The following LRIG1 variants were observed in gnomAD, a reference collection of about 807,000 sequenced individuals.
LRIG1 encodes the protein leucine-rich repeats and immunoglobulin-like domains protein 1.
LRIG1 carries 48 observed loss-of-function variants against 99.2 expected under a neutral mutation model. The observed-to-expected ratio is 0.48, with a 90% confidence interval of 0.38 to 0.62. The LOEUF (loss-of-function observed/expected upper bound fraction) is 0.62. LRIG1 is among the 20% of genes least tolerant of loss of function. The pLI is 0.00. For synonymous variants in LRIG1, 772 were observed against 596.1 expected, an observed-to-expected ratio of 1.29 and a Z score of -4.30; for missense variants, 1,646 against 1,434.4, an observed-to-expected ratio of 1.15 and a Z score of -2.38.
chr3:66,479,312 C>T (rs1348459795), intron 1 of LRIG1, among the ~76,000 whole-genome samples: 1 of 152,228 alleles, frequency 6.6e-6, no homozygotes, highest in Non-Finnish European at 1.5e-5. Context: ...CTCCCATTCT[C>T]CTAGGGACAC....
At position 66,383,334 on chromosome 3, in the gene LRIG1, T is replaced by C. The variant is rs1175974936; in HGVS notation, c.2139A>G (p.Gln713=). 2 of 1,597,984 alleles carry C rather than the reference T, an allele frequency of 1.3e-6. No homozygotes were observed. The highest frequency in any genetic ancestry group is 1.3e-5 in the African/African-American group (1 of 74,710). Residue 713 remains glutamine, a synonymous_variant, in exon 15 of 19, where the codon CAA becomes CAG. Coordinates refer to ENST00000273261, the MANE Select transcript of LRIG1 (RefSeq NM_015541.3). ...GCGGAGGGTTCCCCGTGGCTTTGCA[T>C]TGGAGGGCCACTGTTTCTCCCACAG... ...VVSVGETVAL[Q]CKATGNPPPR...
intron 9 of LRIG1, among the ~76,000 whole-genome samples, chr3:66,402,915 G>T (rs1235492098): frequency 6.6e-6 from 1 of 152,130 alleles, no homozygotes; most frequent in Non-Finnish European, 1.5e-5. Flanking sequence ...AAGAGGCACT[G>T]GGTTCTTCCT....
intron 10 of LRIG1, 53 bp from the exon 11 acceptor site, chr3:66,398,236 G>T: frequency 7.0e-7 from 1 of 1,421,554 alleles, no homozygotes; most frequent in Non-Finnish European, 9.9e-7. Flanking sequence ...ACACCTGAGG[G>T]GTTTTCAGGA....
At chr3:66,443,486 C>T (rs1703616544) in intron 3 of LRIG1, among the ~76,000 whole-genome samples, 1 of 152,202 alleles carries the variant, frequency 6.6e-6, no homozygotes, top group Admixed American at 6.5e-5. Flanking sequence ...GTTACTTACA[C>T]CTGTAACTTA....
At chr3:66,478,269 T>C (rs1700768452) in intron 1 of LRIG1, among the ~76,000 whole-genome samples, 1 of 152,190 alleles carries the variant, frequency 6.6e-6, no homozygotes, top group Non-Finnish European at 1.5e-5. Context: ...CCTGAAAAGG[T>C]AACCAGTTAA....
chr3:66,476,919 C>T (rs1345416191), intron 1 of LRIG1, among the ~76,000 whole-genome samples: 2 of 152,164 alleles, frequency 1.3e-5, no homozygotes, highest in African/African-American at 4.8e-5. Flanking sequence ...CCGTTCCCTT[C>T]AAAGTGAAAT....
chr3:66,380,681 G>A lies in LRIG1; in HGVS notation c.2951C>T (p.Ala984Val), dbSNP rs139738729. The change falls in exon 18 of 19, where the codon GCC (alanine) becomes GTC (valine). Residue 984 changes from alanine to valine, a missense_variant. Physicochemically the swap from Ala to Val is moderately conservative, Grantham distance 64 (BLOSUM62 0). Transcript: ENST00000273261. ...TTGGCACTCGGGGCAGGACCCAGCG[G>A]CAGTCCTGCTGCACTGGTGATGTGG... ...HSPHHQCSRTAAGSCPECQGS... is the reference protein window; with the variant it reads ...HSPHHQCSRTVAGSCPECQGS... 2.5e-6 allele frequency: 4 copies of A among 1,614,062 alleles called. No individual in the cohort carries two copies. The African/African-American group carries it at 5.3e-5, about 22-fold the overall frequency.
At chr3:66,397,032 C>T (rs1205460025) in intron 11 of LRIG1, among the ~76,000 whole-genome samples, 4 of 152,244 alleles carry the variant, frequency 2.6e-5, no homozygotes, top group African/African-American at 9.6e-5. Flanking sequence ...GCCCTGGGCA[C>T]GGAGCAGCTG....
rs774334880 is a variant in LRIG1, at chr3:66,383,010, C to T, written c.2463G>A (p.Lys821=). The change falls in exon 15 of 19, where the codon AAG becomes AAA. Residue 821 remains lysine, a synonymous_variant. Transcript: ENST00000273261. ...WVCIIYQTRK[K]SEEYSVTNTD... is the part of the protein sequence containing the mutation. ...TGTTGGTGACACTGTACTCTTCACT[C>T]TTCTTCCTGGTCTGGTAGATGATGC... 6.2e-7 allele frequency: 1 copy of T among 1,613,502 alleles called. No individual in the cohort carries two copies. Among genetic ancestry groups the T allele is most frequent in the East Asian group, 2.2e-5 (1 of 44,858 alleles).
chr3:66,408,765 T>C (rs561425079), intron 7 of LRIG1, among the ~76,000 whole-genome samples: 3 of 152,008 alleles, frequency 2.0e-5, no homozygotes, highest in African/African-American at 7.3e-5. Flanking sequence ...CAGCACCACA[T>C]GGAATGCACA....
At chr3:66,481,632 T>C (rs1344585408) in intron 1 of LRIG1, among the ~76,000 whole-genome samples, 1 of 152,236 alleles carries the variant, frequency 6.6e-6, no homozygotes, top group Non-Finnish European at 1.5e-5. Context: ...AAAATGCTTC[T>C]CACCACAGAA....
At chr3:66,423,666 G>C (rs888874426) in intron 3 of LRIG1, among the ~76,000 whole-genome samples, 1 of 152,194 alleles carries the variant, frequency 6.6e-6, no homozygotes, top group Non-Finnish European at 1.5e-5. Flanking sequence ...AGTAAGTCCT[G>C]TCCATGGTCT....
At chr3:66,444,114 G>T (rs938524010) in intron 3 of LRIG1, among the ~76,000 whole-genome samples, 7 of 152,202 alleles carry the variant, frequency 4.6e-5, no homozygotes, top group African/African-American at 1.2e-4. Flanking sequence ...ACTGACTCCT[G>T]CCGGGGGAGA....
chr3:66,392,584 AAC>A (rs1701664414), intron 12 of LRIG1, among the ~76,000 whole-genome samples: 1 of 142,876 alleles, frequency 7.0e-6, no homozygotes, highest in Non-Finnish European at 1.5e-5. Context: ...GATTCCCATT[AAC>A]ACCTGACGTT....
At chr3:66,497,750 C>T (rs1045070043) in intron 1 of LRIG1, among the ~76,000 whole-genome samples, 17 of 144,168 alleles carry the variant, frequency 1.2e-4, no homozygotes, top group African/African-American at 4.0e-4. Context: ...GCCACAGGTC[C>T]TCTGCTATCT....
intron 12 of LRIG1, 147 bp downstream of exon 12, chr3:66,393,893 A>T: frequency 2.5e-6 from 2 of 810,682 alleles, no homozygotes; most frequent in Non-Finnish European, 4.0e-6. Context: ...GTGTGGTTTC[A>T]GCAAGAAATA....
At chr3:66,418,418 G>T (rs555637698) in intron 3 of LRIG1, among the ~76,000 whole-genome samples, 1 of 152,254 alleles carries the variant, frequency 6.6e-6, no homozygotes, top group Admixed American at 6.5e-5. Context: ...TCTACTTTCT[G>T]TCAAACCCAC....
At chr3:66,474,697 C>A (rs561980461) in intron 1 of LRIG1, among the ~76,000 whole-genome samples, 2 of 152,248 alleles carry the variant, frequency 1.3e-5, no homozygotes, top group African/African-American at 4.8e-5. Flanking sequence ...CGCCTGTCCC[C>A]TCCCCAACCA....
intron 3 of LRIG1, among the ~76,000 whole-genome samples, chr3:66,449,227 T>C (rs759765558): frequency 6.6e-6 from 1 of 152,192 alleles, no homozygotes; most frequent in Non-Finnish European, 1.5e-5. Context: ...GTCATGCTGC[T>C]AACCTAACTT....
Sources: allele counts gnomAD v4.1 joint callset (sites outside exome capture counted in the v4.1 genomes callset), GRCh38; gene constraint gnomAD v4.1.1; transcripts MANE v1.5; gene names NCBI Gene and HGNC (gene_info 2026-07-23, HGNC 2026-07-21).